Variants in NPAS3 observed in about 807,000 individuals in gnomAD.
NPAS3 encodes the protein neuronal PAS domain-containing protein 3.
Under a neutral mutation model 73.1 loss-of-function variants are expected in NPAS3, and 14 were observed. That is an observed-to-expected ratio of 0.19 (90% CI 0.13 to 0.30). The LOEUF (loss-of-function observed/expected upper bound fraction) is 0.30. Among genes scored for constraint, NPAS3 ranks in the 10% least tolerant of loss-of-function variants. The pLI, the probability that NPAS3 is intolerant of heterozygous loss-of-function variation, is 1.00. For missense variants in NPAS3, 1,096 were observed against 1,250.0 expected (o/e 0.88, Z 1.86); for synonymous variants, 620 against 541.5 (o/e 1.14, Z -2.01).
intron 5 of NPAS3, among the ~76,000 whole-genome samples, chr14:33,645,035 T>C (rs2058786620): frequency 6.8e-6 from 1 of 147,708 alleles, no homozygotes; most frequent in South Asian, 2.1e-4. Context: ...GAGCTGAGAT[T>C]GCACCACCAC....
At chr14:33,500,188 ATT>A (rs2052443136) in intron 4 of NPAS3, among the ~76,000 whole-genome samples, 1 of 151,734 alleles carries the variant, frequency 6.6e-6, no homozygotes, top group African/African-American at 2.4e-5. Flanking sequence ...CTCTGTTGGG[ATT>A]TTTCTTTAAG....
chr14:33,095,140 A>C (rs1009552374), intron 2 of NPAS3, among the ~76,000 whole-genome samples: 1 of 152,138 alleles, frequency 6.6e-6, no homozygotes, highest in Non-Finnish European at 1.5e-5. Flanking sequence ...GTCTGACTTT[A>C]CAGTCCTCGA....
chr14:33,618,517 G>A (rs1010640868), intron 5 of NPAS3, among the ~76,000 whole-genome samples: 10 of 152,188 alleles, frequency 6.6e-5, no homozygotes, highest in Admixed American at 1.3e-4. Context: ...GACAGGAGGT[G>A]GAGCTCAGGT....
intron 1 of NPAS3, among the ~76,000 whole-genome samples, chr14:32,949,771 A>G (rs908362172): frequency 7.2e-5 from 11 of 151,978 alleles, no homozygotes; most frequent in African/African-American, 2.7e-4. Context: ...GTCCAGCCCT[A>G]TGCTTTATAT....
rs566908425 is a variant in NPAS3, at chr14:33,172,463, C to T, written c.141-42719C>T. On this transcript the variant is annotated intron_variant, in intron 2 of 11. Coordinates refer to ENST00000356141, the Ensembl canonical transcript of NPAS3. ...ATAAAAATTAAAAATTGGCCAGACC[C>T]GGTGGCTCAGGCCTGAAATCTCAGC... is the stretch of plus-strand genomic sequence containing the variant. 3.1e-4 allele frequency among the ~76,000 whole-genome samples: 47 copies of T among 152,234 alleles called. 1 individual carries two copies. In the South Asian group the frequency reaches 3.1e-3, roughly 10 times the overall value.
intron 5 of NPAS3, among the ~76,000 whole-genome samples, chr14:33,579,680 G>A (rs982480545): frequency 1.3e-5 from 2 of 151,822 alleles, no homozygotes; most frequent in African/African-American, 2.4e-5. Flanking sequence ...CATGTACTAG[G>A]CATCTACTTA....
At chr14:33,421,486 T>A (rs913350071) in intron 4 of NPAS3, among the ~76,000 whole-genome samples, 2 of 151,662 alleles carry the variant, frequency 1.3e-5, no homozygotes, top group Non-Finnish European at 2.9e-5. Context: ...ACCTTGTAAA[T>A]GAAAGCTGCC....
chr14:33,531,159 C>T (rs998148069), intron 4 of NPAS3, among the ~76,000 whole-genome samples: 21 of 152,096 alleles, frequency 1.4e-4, no homozygotes, highest in African/African-American at 4.8e-4. Context: ...AGAACTCATA[C>T]AGTCCAGTCA....
At chr14:33,538,329 T>C (rs891553955) in intron 4 of NPAS3, among the ~76,000 whole-genome samples, 2 of 152,200 alleles carry the variant, frequency 1.3e-5, no homozygotes, top group Non-Finnish European at 2.9e-5. Context: ...AGAAGTTCCC[T>C]CTGCTCAGAA....
chr14:33,092,081 C>T (rs1219720734), intron 2 of NPAS3, among the ~76,000 whole-genome samples: 1 of 152,184 alleles, frequency 6.6e-6, no homozygotes, highest in Non-Finnish European at 1.5e-5. Flanking sequence ...TGCCCTCTCT[C>T]ACCACTCCTA....
intron 1 of NPAS3, among the ~76,000 whole-genome samples, chr14:32,985,403 C>T (rs902332227): frequency 6.6e-6 from 1 of 152,074 alleles, no homozygotes; most frequent in African/African-American, 2.4e-5. Context: ...GGGAGGGGAC[C>T]TTTGGTTATT....
chr14:33,434,130 T>G (rs1443930544), intron 4 of NPAS3, among the ~76,000 whole-genome samples: 2 of 152,098 alleles, frequency 1.3e-5, no homozygotes, highest in Non-Finnish European at 2.9e-5. Context: ...AGGCGGAGGT[T>G]GCAGTGAGCC....
At chr14:32,949,742 A>G (rs2036407769) in intron 1 of NPAS3, among the ~76,000 whole-genome samples, 1 of 151,864 alleles carries the variant, frequency 6.6e-6, no homozygotes, top group Non-Finnish European at 1.5e-5. Context: ...GTTAAAAAGA[A>G]AAAAGAAAAA....
Position 33,635,930 on chromosome 14 carries a change from T to G in NPAS3, c.559-40281T>G, listed in dbSNP as rs150249550. ...ATGTCCACATGTAAGTGTCATGGACTGTAAACACGACTAGACCTAACTTTT... is the reference window on the plus strand; with the variant it reads ...ATGTCCACATGTAAGTGTCATGGACGGTAAACACGACTAGACCTAACTTTT... On this transcript the variant is annotated intron_variant, in intron 5 of 11. Transcript: ENST00000356141. Among the ~76,000 whole-genome samples, 578 of 152,314 alleles carry G rather than the reference T, an allele frequency of 3.8e-3. 2 individuals are homozygous for G. Among genetic ancestry groups the G allele is most frequent in the African/African-American group, 0.013 (548 of 41,568 alleles).
intron 3 of NPAS3, among the ~76,000 whole-genome samples, chr14:33,295,619 C>G (rs2042264964): frequency 6.6e-6 from 1 of 152,192 alleles, no homozygotes; most frequent in South Asian, 2.1e-4. Context: ...TAGATTGGCT[C>G]TAAGTGAGTA....
At chr14:33,065,239 TGG>T (rs2041238652) in intron 2 of NPAS3, among the ~76,000 whole-genome samples, 2 of 152,092 alleles carry the variant, frequency 1.3e-5, no homozygotes, top group African/African-American at 4.8e-5. Flanking sequence ...ACGAAGCTAG[TGG>T]TGAGAAAGGT....
At chr14:32,985,394 G>C (rs533820037) in intron 1 of NPAS3, among the ~76,000 whole-genome samples, 4 of 152,262 alleles carry the variant, frequency 2.6e-5, no homozygotes, top group African/African-American at 9.6e-5. Context: ...AATAACACAG[G>C]GAGGGGACCT....
intron 4 of NPAS3, among the ~76,000 whole-genome samples, chr14:33,370,193 A>G (rs954277026): frequency 2.0e-5 from 3 of 152,156 alleles, no homozygotes; most frequent in Non-Finnish European, 4.4e-5. Context: ...CATTCAGGGA[A>G]AGAGGAACTA....
intron 2 of NPAS3, among the ~76,000 whole-genome samples, chr14:33,198,104 G>A (rs933663529): frequency 6.6e-6 from 1 of 152,186 alleles, no homozygotes; most frequent in Non-Finnish European, 1.5e-5. Flanking sequence ...CCAGTGGGGG[G>A]TTCGTGATCT....
Sources: allele counts gnomAD v4.1 joint callset (sites outside exome capture counted in the v4.1 genomes callset), GRCh38; gene constraint gnomAD v4.1.1; transcripts MANE v1.5; gene names NCBI Gene and HGNC (gene_info 2026-07-23, HGNC 2026-07-21).